GRID2: variants seen among roughly 807,000 people sequenced by gnomAD.
The protein encoded by GRID2 is glutamate receptor ionotropic, delta-2.
Under a neutral mutation model 114.8 loss-of-function variants are expected in GRID2, and 33 were observed. The ratio of observed to expected loss-of-function variants is 0.29; its 90% CI spans 0.22 to 0.38. The LOEUF is 0.38. Ranked by LOEUF, GRID2 falls within the 10% of genes least tolerant of loss-of-function variation. GRID2 has a pLI of 1.00. For synonymous variants in GRID2, 505 were observed against 449.9 expected, an observed-to-expected ratio of 1.12 and a Z score of -1.55; for missense variants, 1,184 against 1,257.7, an observed-to-expected ratio of 0.94 and a Z score of 0.89.
chr4:93,155,036 C>T (rs1737055925), intron 4 of GRID2, among the ~76,000 whole-genome samples: 1 of 151,816 alleles, frequency 6.6e-6, no homozygotes, highest in Admixed American at 6.6e-5. Flanking sequence ...TTCAGATTAC[C>T]TACATAGAGG....
At chr4:93,383,992 A>G (rs1290971256) in intron 8 of GRID2, among the ~76,000 whole-genome samples, 1 of 152,158 alleles carries the variant, frequency 6.6e-6, no homozygotes, top group African/African-American at 2.4e-5. Flanking sequence ...AGTTTGGGTA[A>G]TTCATAAATA....
At chr4:93,633,207 C>T (rs1317493559) in intron 14 of GRID2, among the ~76,000 whole-genome samples, 1 of 151,702 alleles carries the variant, frequency 6.6e-6, no homozygotes, top group Non-Finnish European at 1.5e-5. Flanking sequence ...TAGTTGTAGT[C>T]TTTTTTCCTA....
At chr4:93,263,643 G>A (rs929202470) in intron 8 of GRID2, among the ~76,000 whole-genome samples, 1 of 151,792 alleles carries the variant, frequency 6.6e-6, no homozygotes, top group African/African-American at 2.4e-5. Context: ...TAGTTCATTT[G>A]GCTTATAATT....
At chr4:93,481,534 A>C (rs566645833) in intron 11 of GRID2, among the ~76,000 whole-genome samples, 8 of 152,142 alleles carry the variant, frequency 5.3e-5, no homozygotes, top group Admixed American at 2.0e-4. Flanking sequence ...TAAGTTTCTC[A>C]TTTGCACTCT....
intron 1 of GRID2, among the ~76,000 whole-genome samples, chr4:92,351,380 A>T (rs1179078139): frequency 6.6e-6 from 1 of 151,830 alleles, no homozygotes; most frequent in Non-Finnish European, 1.5e-5. Context: ...TTGAATTGAC[A>T]TGTAATAATT....
intron 2 of GRID2, among the ~76,000 whole-genome samples, chr4:93,054,332 G>T (rs1045370969): frequency 3.4e-4 from 45 of 132,466 alleles, no homozygotes; most frequent in Admixed American, 8.0e-4. Context: ...ACTTTTGGTA[G>T]TATTTTTATA....
At chr4:92,572,963 TG>T (rs1161345517) in intron 1 of GRID2, among the ~76,000 whole-genome samples, 1 of 152,098 alleles carries the variant, frequency 6.6e-6, no homozygotes, top group Non-Finnish European at 1.5e-5. Context: ...GGGCTTTTTT[TG>T]GTTATTAGGC....
At position 93,401,639 on chromosome 4, in the gene GRID2, G is replaced by A. The variant is rs575550082; in HGVS notation, c.1347+5931G>A. On this transcript the variant is annotated intron_variant, in intron 9 of 15. Transcript: ENST00000282020. Reference sequence around the variant, plus strand: ...GGAAATATACCAATTAGAAAACATAGGACAGTAATAGCAATGAGAAAAATT... The same window carrying A: ...GGAAATATACCAATTAGAAAACATAAGACAGTAATAGCAATGAGAAAAATT... Among the ~76,000 whole-genome samples, 6 of 152,122 alleles carry A rather than the reference G, an allele frequency of 3.9e-5. No individual in the cohort carries two copies. The South Asian group carries it at 1.2e-3, about 32-fold the overall frequency.
chr4:93,477,751 A>T (rs1262592799), intron 11 of GRID2, among the ~76,000 whole-genome samples: 1 of 152,170 alleles, frequency 6.6e-6, no homozygotes, highest in East Asian at 1.9e-4. Context: ...TACTATGATC[A>T]GACTGTCCAG....
chr4:93,380,235 C>A (rs1763729035), intron 8 of GRID2, among the ~76,000 whole-genome samples: 1 of 151,864 alleles, frequency 6.6e-6, no homozygotes, highest in South Asian at 2.1e-4. Context: ...GAAGAGGAGA[C>A]AGCCATGTGA....
chr4:92,347,025 C>T (rs1423158580), intron 1 of GRID2, among the ~76,000 whole-genome samples: 1 of 152,106 alleles, frequency 6.6e-6, no homozygotes, highest in Admixed American at 6.5e-5. Context: ...TGCTTTCCTG[C>T]TTATATGGGG....
In GRID2 at chr4:93,016,837, T is replaced by A. The variant is rs567339811; in HGVS notation, c.245-68158T>A. 8.1e-4 allele frequency among the ~76,000 whole-genome samples: 124 copies of A among 152,348 alleles called. 1 individual carries two copies. Among genetic ancestry groups the A allele is most frequent in the African/African-American group, 2.9e-3 (120 of 41,590 alleles). On this transcript the variant is annotated intron_variant, in intron 2 of 15. Coordinates refer to ENST00000282020, the MANE Select transcript of GRID2 (RefSeq NM_001510.4). ...ACTACTTTAGTCATTTTGAGCACAC[T>A]TGTTTTTAGAATAAGTTATCACATT... is the stretch of plus-strand genomic sequence containing the variant.
chr4:93,323,507 T>A (rs1757475671), intron 8 of GRID2, among the ~76,000 whole-genome samples: 1 of 152,202 alleles, frequency 6.6e-6, no homozygotes, highest in Non-Finnish European at 1.5e-5. Context: ...TTCGTTTGAA[T>A]TAGGATTGTC....
chr4:93,124,333 A>G (rs967212643), intron 4 of GRID2, among the ~76,000 whole-genome samples: 6 of 152,218 alleles, frequency 3.9e-5, no homozygotes, highest in Non-Finnish European at 7.3e-5. Flanking sequence ...AGAAGCCAGG[A>G]GAATAGTGAG....
At chr4:92,727,479 C>T (rs1233817825) in intron 2 of GRID2, among the ~76,000 whole-genome samples, 1 of 151,986 alleles carries the variant, frequency 6.6e-6, no homozygotes, top group Non-Finnish European at 1.5e-5. Flanking sequence ...TAAGGGCCTG[C>T]CAGGATTTTC....
chr4:92,959,305 C>T (rs1259443816), intron 2 of GRID2, among the ~76,000 whole-genome samples: 1 of 151,790 alleles, frequency 6.6e-6, no homozygotes, highest in Non-Finnish European at 1.5e-5. Context: ...TTAGATCTTT[C>T]TTCGTCTCTA....
chr4:92,731,919 T>C (rs1224447234), intron 2 of GRID2, among the ~76,000 whole-genome samples: 1 of 151,970 alleles, frequency 6.6e-6, no homozygotes, highest in East Asian at 1.9e-4. Context: ...GCATGGGTAG[T>C]AGTGGAATTG....
At chr4:92,937,953 C>G (rs1452937051) in intron 2 of GRID2, among the ~76,000 whole-genome samples, 4 of 146,604 alleles carry the variant, frequency 2.7e-5, no homozygotes, top group Non-Finnish European at 6.0e-5. Context: ...CAATCTTTCA[C>G]CTTTAAATAT....
At chr4:92,981,725 A>G (rs956933185) in intron 2 of GRID2, among the ~76,000 whole-genome samples, 1 of 151,958 alleles carries the variant, frequency 6.6e-6, no homozygotes, top group Non-Finnish European at 1.5e-5. Context: ...CTGGAGAGAC[A>G]TGGTCTTAAT....
Sources: gnomAD v4.1 joint callset for allele counts (sites outside exome capture counted in the v4.1 genomes callset) on GRCh38, gnomAD v4.1.1 for gene constraint, MANE v1.5 for transcripts, NCBI Gene and HGNC (gene_info 2026-07-23, HGNC 2026-07-21) for gene names.